FNBP1L: variants seen among roughly 807,000 people sequenced by gnomAD.
FNBP1L encodes the protein formin-binding protein 1-like.
A neutral mutation model predicts 91.2 loss-of-function variants in FNBP1L; 36 were observed. The observed-to-expected ratio is 0.39, with a 90% CI of 0.30 to 0.52. The LOEUF (loss-of-function observed/expected upper bound fraction) is 0.52, where lower values mean the gene tolerates loss of function less well. Ranked by LOEUF, FNBP1L falls within the 20% of genes least tolerant of loss-of-function variation. The pLI, the probability that FNBP1L is intolerant of heterozygous loss-of-function variation, is 0.66. For missense variants in FNBP1L, 571 were observed against 732.1 expected, an observed-to-expected ratio of 0.78 and a Z score of 2.54; for synonymous variants, 242 against 237.0, an observed-to-expected ratio of 1.02 and a Z score of -0.19.
chr1:93,522,555 G>A (rs1463559652), intron 3 of FNBP1L, among the ~76,000 whole-genome samples: 1 of 114,716 alleles, frequency 8.7e-6, no homozygotes, highest in African/African-American at 3.2e-5. Flanking sequence ...AAATTAAAAG[G>A]TTAGAAATCA....
intron 16 of FNBP1L, 55 bp downstream of exon 16, chr1:93,551,160 G>A: frequency 6.8e-7 from 1 of 1,471,596 alleles, no homozygotes; most frequent in South Asian, 1.6e-5. Context: ...GTGTGACATA[G>A]GAAGAGTAAC....
chr1:93,514,989 A>C (rs1486203932), intron 2 of FNBP1L, among the ~76,000 whole-genome samples: 1 of 152,156 alleles, frequency 6.6e-6, no homozygotes, highest in Non-Finnish European at 1.5e-5. Context: ...GCAACCTACA[A>C]AATGGGAGAA....
intron 1 of FNBP1L, among the ~76,000 whole-genome samples, chr1:93,496,576 T>C (rs1343694146): frequency 6.6e-6 from 1 of 151,914 alleles, no homozygotes; most frequent in African/African-American, 2.4e-5. Context: ...AATTTTTAAA[T>C]TTTTTTTGTT....
chr1:93,469,921 C>T (rs1247650660), intron 1 of FNBP1L, among the ~76,000 whole-genome samples: 1 of 152,164 alleles, frequency 6.6e-6, no homozygotes, highest in African/African-American at 2.4e-5. Context: ...GATCATGTCA[C>T]TGCACCACTG....
intron 2 of FNBP1L, among the ~76,000 whole-genome samples, chr1:93,507,101 ACACACACTCT>A (rs1557798010): frequency 4.3e-3 from 243 of 56,508 alleles, no homozygotes; most frequent in African/African-American, 6.1e-3. Context: ...ACACACACAC[ACACACACTCT>A]CTCTCTCTCT....
chr1:93,533,718 A>G (rs1671757741), intron 8 of FNBP1L, among the ~76,000 whole-genome samples: 1 of 152,228 alleles, frequency 6.6e-6, no homozygotes, highest in Admixed American at 6.5e-5. Context: ...AGTAGATATT[A>G]TATTAGTGAG....
At chr1:93,458,558 C>T (rs1291164148) in intron 1 of FNBP1L, among the ~76,000 whole-genome samples, 1 of 152,158 alleles carries the variant, frequency 6.6e-6, no homozygotes, top group Non-Finnish European at 1.5e-5. Context: ...TGACATTGAT[C>T]TGGGCAGAGA....
intron 1 of FNBP1L, among the ~76,000 whole-genome samples, chr1:93,454,631 GTTT>G (rs1385153466): frequency 4.6e-5 from 7 of 151,924 alleles, no homozygotes; most frequent in African/African-American, 1.4e-4. Context: ...CGTTTATATT[GTTT>G]TTTATTTTCC....
intron 7 of FNBP1L, 62 bp downstream of exon 7, chr1:93,530,945 G>A (rs1671654890): frequency 2.3e-6 from 3 of 1,327,604 alleles, no homozygotes; most frequent in Non-Finnish European, 1.0e-6. Context: ...TATAAAACTT[G>A]TAAGTCTTAG....
intron 2 of FNBP1L, among the ~76,000 whole-genome samples, chr1:93,514,834 T>A (rs1488267729): frequency 3.3e-5 from 5 of 152,036 alleles, no homozygotes; most frequent in South Asian, 2.1e-4. Context: ...AACCTAGGCA[T>A]TACCATTCAG....
rs374954310 is a variant in FNBP1L, at chr1:93,514,811, A to G, written c.141-7271A>G. ...TAAACGTTAGACCTAAAACCATAAAAACCCTAGAAGAAAACCTAGGCATTA... is the reference window on the plus strand; with the variant it reads ...TAAACGTTAGACCTAAAACCATAAAGACCCTAGAAGAAAACCTAGGCATTA... On this transcript the variant is annotated intron_variant, in intron 2 of 16. Coordinates refer to ENST00000271234, the MANE Select transcript of FNBP1L (RefSeq NM_001164473.3). Among the ~76,000 whole-genome samples the G allele has an allele frequency of 3.1e-3, 466 of 152,152 alleles. 1 individual carries two copies. The highest frequency in any genetic ancestry group is 0.013 in the South Asian group (65 of 4,816).
chr1:93,499,834 A>G (rs547981406), intron 2 of FNBP1L, among the ~76,000 whole-genome samples: 88 of 152,192 alleles, frequency 5.8e-4, no homozygotes, highest in Non-Finnish European at 9.7e-4. Flanking sequence ...CTGGGGAGCA[A>G]AATGCCGGGA....
intron 2 of FNBP1L, among the ~76,000 whole-genome samples, chr1:93,513,671 CAT>C (rs1248058617): frequency 2.0e-5 from 3 of 152,176 alleles, no homozygotes; most frequent in Non-Finnish European, 4.4e-5. Flanking sequence ...ACAAAAACCA[CAT>C]GATTATCTCA....
At chr1:93,519,523 C>G (rs1240322455) in intron 2 of FNBP1L, among the ~76,000 whole-genome samples, 2 of 152,136 alleles carry the variant, frequency 1.3e-5, no homozygotes, top group African/African-American at 4.8e-5. Flanking sequence ...GTAAGAGTGT[C>G]TATATATTTG....
intron 2 of FNBP1L, among the ~76,000 whole-genome samples, chr1:93,512,720 C>G (rs530071351): frequency 1.3e-5 from 2 of 151,708 alleles, no homozygotes; most frequent in Admixed American, 1.3e-4. Context: ...TTCTTTGAAA[C>G]CAACGAGAAC....
intron 2 of FNBP1L, among the ~76,000 whole-genome samples, chr1:93,501,315 A>G (rs1670434006): frequency 6.6e-6 from 1 of 152,190 alleles, no homozygotes; most frequent in Admixed American, 6.6e-5. Context: ...CAGAATGCCT[A>G]AGTCTGGGTA....
intron 10 of FNBP1L, among the ~76,000 whole-genome samples, chr1:93,539,768 AT>A (rs1177467810): frequency 3.3e-5 from 5 of 150,542 alleles, no homozygotes; most frequent in Non-Finnish European, 7.4e-5. Context: ...AGCAAAATAA[AT>A]TTTTTTGTTT....
chr1:93,465,198 G>C lies in FNBP1L; in HGVS notation c.24+16893G>C, dbSNP rs891127180. 2.0e-5 allele frequency among the ~76,000 whole-genome samples: 3 copies of C among 150,042 alleles called. No homozygotes were observed. The East Asian group carries it at 5.9e-4, about 30-fold the overall frequency. The stretch of plus-strand genomic sequence containing the variant: ...CATGAGGGTTGTCTCTTTTTTGGGG[G>C]GGGGGGTTCTTTTTTATTATTATAC... On this transcript the variant is annotated intron_variant, in intron 1 of 16. Transcript: ENST00000271234.
At chr1:93,465,193 T>TG (rs35355479) in intron 1 of FNBP1L, among the ~76,000 whole-genome samples, 7 of 138,672 alleles carry the variant, frequency 5.0e-5, no homozygotes, top group East Asian at 2.1e-4. Flanking sequence ...GTCTCTTTTT[T>TG]GGGGGGGGGG....
Sources: gnomAD v4.1 joint callset for allele counts (sites outside exome capture counted in the v4.1 genomes callset) on GRCh38, gnomAD v4.1.1 for gene constraint, MANE v1.5 for transcripts, NCBI Gene and HGNC (gene_info 2026-07-23, HGNC 2026-07-21) for gene names.